Variants in SEMA3D observed in about 807,000 individuals in gnomAD.
The protein encoded by SEMA3D is semaphorin-3D.
In SEMA3D, 84 loss-of-function variants were observed where a neutral mutation model predicts 100.1. That is an observed-to-expected ratio of 0.84 (90% CI 0.70 to 1.01). The LOEUF (loss-of-function observed/expected upper bound fraction) is 1.01. Among genes scored for constraint, SEMA3D ranks in the 50% least tolerant of loss-of-function variants. The pLI is 0.00. For missense variants in SEMA3D, 875 were observed against 934.1 expected (o/e 0.94, Z 0.82); for synonymous variants, 312 against 320.7 (o/e 0.97, Z 0.29).
At chr7:85,033,157 G>A (rs1030202605) in intron 12 of SEMA3D, among the ~76,000 whole-genome samples, 5 of 151,988 alleles carry the variant, frequency 3.3e-5, no homozygotes, top group African/African-American at 1.2e-4. Flanking sequence ...TTAGATGCAG[G>A]CTATTTGCTA....
In SEMA3D at chr7:85,022,508, G is replaced by T. The variant is rs377669950; in HGVS notation, c.1297C>A (p.Pro433Thr). The change falls in exon 13 of 19, where the codon CCA (proline) becomes ACA (threonine). Residue 433 changes from proline (P) to threonine (T), a missense_variant. Coordinates refer to ENST00000284136, the MANE Select transcript of SEMA3D (RefSeq NM_001384900.1). ...TTGAACGTTGGTCCTCCTGCAACTGGGTATACGGACTTATACATCACAGAG... is the reference window on the plus strand; with the variant it reads ...TTGAACGTTGGTCCTCCTGCAACTGTGTATACGGACTTATACATCACAGAG... ...RHSVMYKSVY[P>T]VAGGPTFKRI... The T allele has an allele frequency of 1.2e-6, 2 of 1,611,804 alleles. No homozygotes were observed. Among genetic ancestry groups the T allele is most frequent in the Admixed American group, 1.7e-5 (1 of 59,848 alleles).
At chr7:85,151,662 G>A (rs1790425150) in intron 2 of SEMA3D, 3 of 978,948 alleles carry the variant, frequency 3.1e-6, no homozygotes, top group Non-Finnish European at 2.4e-6. Context: ...GTATATTATA[G>A]TGTATTTAGT....
At chr7:85,241,804 T>G in the SEMA3D span, among the ~76,000 whole-genome samples, 21 of 151,858 alleles carry the variant, frequency 1.4e-4, no homozygotes, top group East Asian at 4.1e-3. Flanking sequence ...ATACCACTGT[T>G]TTCCAAAAAC....
intron 8 of SEMA3D, among the ~76,000 whole-genome samples, chr7:85,057,449 G>T (rs1356875491): frequency 1.3e-5 from 2 of 152,266 alleles, no homozygotes; most frequent in South Asian, 4.1e-4. Context: ...AGAGAAAAGA[G>T]AAGCCAAAAA....
At chr7:85,150,568 C>A (rs1031110036) in intron 2 of SEMA3D, among the ~76,000 whole-genome samples, 16 of 149,256 alleles carry the variant, frequency 1.1e-4, no homozygotes, top group African/African-American at 3.2e-4. Context: ...AATAGAATCA[C>A]TTCCCAAATC....
At chr7:85,061,730 CA>C (rs938788044) in intron 8 of SEMA3D, among the ~76,000 whole-genome samples, 1 of 152,180 alleles carries the variant, frequency 6.6e-6, no homozygotes, top group African/African-American at 2.4e-5. Flanking sequence ...ATCATTTCTA[CA>C]ATTTCTCCCC....
intron 5 of SEMA3D, among the ~76,000 whole-genome samples, chr7:85,076,829 C>T (rs1282155692): frequency 6.6e-6 from 1 of 152,114 alleles, no homozygotes; most frequent in African/African-American, 2.4e-5. Context: ...TGCGCGGTGG[C>T]TCACGCCTGT....
At chr7:85,098,558 G>T (rs1788644689) in intron 3 of SEMA3D, among the ~76,000 whole-genome samples, 1 of 151,704 alleles carries the variant, frequency 6.6e-6, no homozygotes, top group Non-Finnish European at 1.5e-5. Context: ...TAGCAAAACT[G>T]AGAGGGAGAT....
At chr7:85,238,775 C>G in the SEMA3D span, among the ~76,000 whole-genome samples, 1 of 152,150 alleles carries the variant, frequency 6.6e-6, no homozygotes, top group African/African-American at 2.4e-5. Context: ...CTGTAGATCA[C>G]GTTGGGAAGA....
chr7:85,228,839 AAAC>A, the SEMA3D span, among the ~76,000 whole-genome samples: 476 of 152,206 alleles, frequency 3.1e-3, 5 homozygotes, highest in African/African-American at 0.011. Context: ...GATAAGAAAG[AAAC>A]AACAACAAAT....
chr7:85,142,060 C>T (rs1224707934), intron 2 of SEMA3D: 10 of 983,554 alleles, frequency 1.0e-5, no homozygotes, highest in Non-Finnish European at 1.2e-5. Context: ...AAAAAAAAAC[C>T]AAGTTTCTGT....
the SEMA3D span, among the ~76,000 whole-genome samples, chr7:85,242,671 T>C: frequency 1.3e-5 from 2 of 152,156 alleles, no homozygotes; most frequent in South Asian, 2.1e-4. Flanking sequence ...TATCTACTTC[T>C]CCTTATGGCT....
At chr7:85,012,873 G>A (rs746366972) in intron 16 of SEMA3D, 27 bp from the exon 17 acceptor site, 3 of 1,577,338 alleles carry the variant, frequency 1.9e-6, no homozygotes, top group Non-Finnish European at 2.6e-6. Context: ...AAACTTATTA[G>A]AACTTCAAGC....
intron 2 of SEMA3D, among the ~76,000 whole-genome samples, chr7:85,125,537 C>T (rs148900723): frequency 2.6e-5 from 4 of 152,136 alleles, no homozygotes; most frequent in East Asian, 3.9e-4. Flanking sequence ...GAAGTGCCCA[C>T]GTGTGCTGAA....
Position 85,042,234 on chromosome 7 carries a change from T to C in SEMA3D, c.913A>G (p.Lys305Glu). 1 of 1,613,678 alleles carries C rather than the reference T, an allele frequency of 6.2e-7. No individual in the cohort carries two copies. Among genetic ancestry groups the C allele is most frequent in the Non-Finnish European group, 8.5e-7 (1 of 1,179,724 alleles). ...SLINKWTTFL[K>E]ARLICSIPGS... ...GGAATTGAGCAAATCAGTCTGGCCT[T>C]AAGAAAAGTCGTCCACTTGTTTATC... The change falls in exon 10 of 19, where the codon AAG becomes GAG. Residue 305 changes from lysine to glutamate, a missense_variant. Transcript: ENST00000284136.
intron 2 of SEMA3D, among the ~76,000 whole-genome samples, chr7:85,126,403 T>TGTG (rs769330383): frequency 1.9e-5 from 1 of 53,552 alleles, no homozygotes; most frequent in Admixed American, 1.6e-4. Flanking sequence ...TGTGTGTGTG[T>TGTG]CGTGTGTGTG....
chr7:85,164,264 A>G (rs1790831199), intron 1 of SEMA3D, among the ~76,000 whole-genome samples: 1 of 152,128 alleles, frequency 6.6e-6, no homozygotes, highest in African/African-American at 2.4e-5. Flanking sequence ...GTATAATGAT[A>G]CCACCTATCA....
chr7:85,010,244 G>T (rs1584521105), intron 17 of SEMA3D, among the ~76,000 whole-genome samples: 1 of 151,780 alleles, frequency 6.6e-6, no homozygotes, highest in East Asian at 1.9e-4. Flanking sequence ...GAGGGTCAGA[G>T]AATATACTAG....
chr7:85,227,441 G>A, the SEMA3D span, among the ~76,000 whole-genome samples: 2 of 152,012 alleles, frequency 1.3e-5, no homozygotes, highest in Non-Finnish European at 2.9e-5. Flanking sequence ...AACATGTGAG[G>A]GCACAGACAG....
Sources: allele counts gnomAD v4.1 joint callset (sites outside exome capture counted in the v4.1 genomes callset), GRCh38; gene constraint gnomAD v4.1.1; transcripts MANE v1.5; gene names NCBI Gene and HGNC (gene_info 2026-07-23, HGNC 2026-07-21).